The following RBFOX1 variants were observed in gnomAD, a reference collection of about 807,000 sequenced individuals.
RBFOX1 encodes RNA binding protein fox-1 homolog 1.
In RBFOX1, 8 loss-of-function variants were observed where a neutral mutation model predicts 57.7. The observed-to-expected ratio is 0.14, with a 90% CI of 0.08 to 0.25. The LOEUF is 0.25. Ranked by LOEUF, RBFOX1 falls within the 10% of genes least tolerant of loss-of-function variation. The probability of loss-of-function intolerance (pLI) is 1.00; values close to 1 mark genes in which losing one functional copy is unlikely to be tolerated. For missense variants in RBFOX1, 611 were observed against 548.5 expected (o/e 1.11, Z -1.14); for synonymous variants, 326 against 222.4 (o/e 1.47, Z -4.15).
intron 1 of RBFOX1, among the ~76,000 whole-genome samples, chr16:5,453,764 A>T (rs2068499049): frequency 6.6e-6 from 1 of 152,212 alleles, no homozygotes; most frequent in African/African-American, 2.4e-5. Context: ...ACTCTAAGCA[A>T]TGTTGCCTAA....
intron 2 of RBFOX1, among the ~76,000 whole-genome samples, chr16:5,481,686 C>G (rs2069547253): frequency 6.6e-6 from 1 of 152,212 alleles, no homozygotes; most frequent in Non-Finnish European, 1.5e-5. Flanking sequence ...GCTGCCATCC[C>G]AAAGTACCAC....
chr16:6,487,735 AT>A (rs2095535585), intron 2 of RBFOX1, among the ~76,000 whole-genome samples: 1 of 58,218 alleles, frequency 1.7e-5, no homozygotes, highest in African/African-American at 5.6e-5. Context: ...ATATATATAT[AT>A]ATATATATAT....
chr16:6,792,539 A>G (rs1196385682), intron 3 of RBFOX1, among the ~76,000 whole-genome samples: 1 of 152,182 alleles, frequency 6.6e-6, no homozygotes, highest in Non-Finnish European at 1.5e-5. Flanking sequence ...TAAAGGTTAA[A>G]AATTGAGATG....
chr16:7,172,934 A>C (rs2080985957), intron 4 of RBFOX1, among the ~76,000 whole-genome samples: 1 of 152,194 alleles, frequency 6.6e-6, no homozygotes, highest in African/African-American at 2.4e-5. Flanking sequence ...TAGAGCAGTT[A>C]ACTACAAAAC....
chr16:6,421,313 T>A (rs1288609310), intron 2 of RBFOX1, among the ~76,000 whole-genome samples: 1 of 152,234 alleles, frequency 6.6e-6, no homozygotes, highest in African/African-American at 2.4e-5. Flanking sequence ...TTGTTGGCTG[T>A]TGATTTGATT....
chr16:6,444,591 G>T (rs1175646157), intron 2 of RBFOX1, among the ~76,000 whole-genome samples: 1 of 152,040 alleles, frequency 6.6e-6, no homozygotes, highest in Non-Finnish European at 1.5e-5. Flanking sequence ...TGCCATGATT[G>T]TGAGGCCTCC....
chr16:6,507,497 C>G (rs1165080332), intron 2 of RBFOX1, among the ~76,000 whole-genome samples: 1 of 93,640 alleles, frequency 1.1e-5, no homozygotes, highest in Non-Finnish European at 2.0e-5. Flanking sequence ...ATAACAAGAC[C>G]CTATCTGTAC....
intron 2 of RBFOX1, among the ~76,000 whole-genome samples, chr16:6,367,254 G>GTT (rs71145220): frequency 6.7e-6 from 1 of 149,992 alleles, no homozygotes; most frequent in Non-Finnish European, 1.5e-5. Context: ...TTCTTTGTTT[G>GTT]TTTGTTTTGT....
intron 5 of RBFOX1, among the ~76,000 whole-genome samples, chr16:7,543,867 C>T (rs898131673): frequency 8.3e-5 from 12 of 144,696 alleles, no homozygotes; most frequent in Non-Finnish European, 1.5e-4. Context: ...ATTATAGGCA[C>T]GCACCACCAC....
intron 3 of RBFOX1, among the ~76,000 whole-genome samples, chr16:5,709,173 C>T (rs955440371): frequency 6.6e-6 from 1 of 152,174 alleles, no homozygotes; most frequent in Non-Finnish European, 1.5e-5. Context: ...GGATCTGTTT[C>T]TGGGCTCCAG....
intron 4 of RBFOX1, among the ~76,000 whole-genome samples, 190 bp from the exon 5 acceptor site, chr16:7,517,957 A>G (rs977464476): frequency 1.3e-5 from 2 of 151,964 alleles, no homozygotes; most frequent in African/African-American, 4.8e-5. Context: ...AATGGGGAGA[A>G]GTGATGGTTA....
At chr16:7,006,152 ATTTAT>A (rs1222415208) in intron 3 of RBFOX1, among the ~76,000 whole-genome samples, 1 of 151,722 alleles carries the variant, frequency 6.6e-6, no homozygotes, top group Non-Finnish European at 1.5e-5. Context: ...AAATTTATTT[ATTTAT>A]TTATTTTTTT....
intron 3 of RBFOX1, among the ~76,000 whole-genome samples, chr16:6,762,499 C>T (rs112609184): frequency 2.6e-5 from 4 of 152,118 alleles, no homozygotes; most frequent in Non-Finnish European, 5.9e-5. Context: ...TAGTTTATGG[C>T]TCACCAGTGT....
At chr16:6,124,298 C>T (rs2096572852) in intron 1 of RBFOX1, among the ~76,000 whole-genome samples, 2 of 152,188 alleles carry the variant, frequency 1.3e-5, no homozygotes, top group South Asian at 2.1e-4. Flanking sequence ...CTGGGCCCTA[C>T]AGAAGCTTGC....
At chr16:6,446,032 A>G (rs1255197195) in intron 2 of RBFOX1, among the ~76,000 whole-genome samples, 2 of 151,986 alleles carry the variant, frequency 1.3e-5, no homozygotes, top group East Asian at 1.9e-4. Context: ...TGGCGTGATT[A>G]TAGCTCACTT....
rs141972204 is a variant in RBFOX1 at position 5,710,259 on chromosome 16, C to T, written c.318+111298C>T. On this transcript the variant is annotated intron_variant, in intron 3 of 19. Coordinates refer to the RBFOX1 transcript ENST00000641259. ...AAGCAGCTAATTGTGGATCAGGTAA[C>T]CCAATGTCACACAGCTTGTAAGGGC... Among the ~76,000 whole-genome samples the T allele has an allele frequency of 6.5e-3, 983 of 152,222 alleles. 8 individuals are homozygous for T. The highest frequency in any genetic ancestry group is 0.022 in the African/African-American group (896 of 41,548).
chr16:6,508,203 G>T (rs2096159412), intron 2 of RBFOX1, among the ~76,000 whole-genome samples: 1 of 152,004 alleles, frequency 6.6e-6, no homozygotes, highest in African/African-American at 2.4e-5. Flanking sequence ...ACACATCCTG[G>T]GGCCTTTTGG....
intron 1 of RBFOX1, among the ~76,000 whole-genome samples, chr16:6,114,359 C>T (rs189993809): frequency 1.9e-3 from 283 of 152,150 alleles, no homozygotes; most frequent in African/African-American, 6.1e-3. Flanking sequence ...ATATCTCATG[C>T]GGCATTAAAT....
At chr16:5,769,268 G>T (rs1003344374) in intron 3 of RBFOX1, among the ~76,000 whole-genome samples, 4 of 151,918 alleles carry the variant, frequency 2.6e-5, no homozygotes, top group Non-Finnish European at 5.9e-5. Context: ...TTGGAGACAG[G>T]GTGTTTATGG....
Sources: allele counts gnomAD v4.1 joint callset (sites outside exome capture counted in the v4.1 genomes callset), GRCh38; gene constraint gnomAD v4.1.1; transcripts MANE v1.5; gene names NCBI Gene and HGNC (gene_info 2026-07-23, HGNC 2026-07-21).